PUS10: variants seen among roughly 807,000 people sequenced by gnomAD.
The protein encoded by PUS10 is pseudouridine synthase 10.
A neutral mutation model predicts 75.0 loss-of-function variants in PUS10; 59 were observed. The ratio of observed to expected loss-of-function variants is 0.79; its 90% CI spans 0.64 to 0.98. The LOEUF (loss-of-function observed/expected upper bound fraction) is 0.98, where lower values mean the gene tolerates loss of function less well. Ranked by LOEUF, PUS10 falls within the 50% of genes least tolerant of loss-of-function variation. The pLI, the probability that PUS10 is intolerant of heterozygous loss-of-function variation, is 0.00. For missense variants in PUS10, 650 were observed against 614.4 expected, an observed-to-expected ratio of 1.06 and a Z score of -0.61; for synonymous variants, 219 against 211.6, an observed-to-expected ratio of 1.03 and a Z score of -0.30.
intron 4 of PUS10, among the ~76,000 whole-genome samples, chr2:61,005,046 G>A (rs891011080): frequency 6.6e-6 from 1 of 152,148 alleles, no homozygotes; most frequent in Admixed American, 6.5e-5. Flanking sequence ...CCTGAGGTCG[G>A]GTGTCGGAGA....
chr2:60,947,991 TTTC>T, intron 16 of PUS10, 49 bp downstream of exon 16: 1 of 1,607,814 alleles, frequency 6.2e-7, no homozygotes, highest in East Asian at 2.2e-5. Context: ...ACCATGAACT[TTTC>T]CAATAGAGTT....
intron 4 of PUS10, among the ~76,000 whole-genome samples, chr2:61,004,444 C>T (rs182994681): frequency 6.6e-6 from 1 of 151,980 alleles, no homozygotes; most frequent in South Asian, 2.1e-4. Flanking sequence ...CTGGCTAACA[C>T]GGTGAAACCC....
intron 5 of PUS10, among the ~76,000 whole-genome samples, chr2:60,970,197 A>T (rs1676573243): frequency 6.6e-6 from 1 of 152,240 alleles, no homozygotes; most frequent in Non-Finnish European, 1.5e-5. Context: ...TTCTAAAAAC[A>T]TAGGATCAAG....
rs528975708 is a variant in PUS10, at chr2:60,965,443, T to A, written c.657A>T (p.Thr219=). ...EVSVVFAHPE[T]VEDCHFLAAI... ...CTTACAGGAAGTGGCAATCCTCAACTGTTTCTGGGTGAGCAAAGACCACAC... is the reference window on the plus strand; with the variant it reads ...CTTACAGGAAGTGGCAATCCTCAACAGTTTCTGGGTGAGCAAAGACCACAC... Residue 219 remains threonine (T), a synonymous_variant, in exon 7 of 18, where the codon ACA becomes ACT. Coordinates refer to ENST00000316752, the MANE Select transcript of PUS10 (RefSeq NM_144709.4). 1 of 1,611,594 alleles carries A rather than the reference T, an allele frequency of 6.2e-7. No homozygotes were observed. Among genetic ancestry groups the A allele is most frequent in the Non-Finnish European group, 8.5e-7 (1 of 1,179,166 alleles).
intron 4 of PUS10, among the ~76,000 whole-genome samples, chr2:60,989,168 C>T (rs901862331): frequency 6.6e-6 from 1 of 152,112 alleles, no homozygotes; most frequent in Middle Eastern, 3.4e-3. Context: ...AGTTAAGCAG[C>T]ACCAAGGAAT....
chr2:60,962,971 G>A (rs1676122505), intron 8 of PUS10, 81 bp from the exon 9 acceptor site: 15 of 1,453,216 alleles, frequency 1.0e-5, no homozygotes, highest in Non-Finnish European at 1.2e-5. Flanking sequence ...GAACATGGCT[G>A]GAGAAATTGT....
At chr2:60,974,211 CTTTT>C (rs35241132) in intron 4 of PUS10, among the ~76,000 whole-genome samples, 4 of 96,068 alleles carry the variant, frequency 4.2e-5, no homozygotes, top group Middle Eastern at 5.3e-3. Context: ...GATAAAGCTC[CTTTT>C]TTTTTTTTTT....
intron 5 of PUS10, 65 bp downstream of exon 5, chr2:60,971,458 G>A: frequency 7.1e-7 from 1 of 1,406,780 alleles, no homozygotes; most frequent in Non-Finnish European, 1.0e-6. Context: ...AGTAGTAAAA[G>A]TGCTTTAAGA....
chr2:60,977,710 A>G (rs756891315), intron 4 of PUS10, among the ~76,000 whole-genome samples: 8 of 152,156 alleles, frequency 5.3e-5, no homozygotes, highest in Non-Finnish European at 8.8e-5. Flanking sequence ...TTTGTTGTCT[A>G]TCTGGCTCTT....
chr2:60,958,599 T>A (rs1295392875), intron 11 of PUS10, among the ~76,000 whole-genome samples: 1 of 152,170 alleles, frequency 6.6e-6, no homozygotes. Context: ...AAAAAGGTTT[T>A]CTGGCTGAGT....
At chr2:60,956,765 GAAGATC>G (rs946576165) in intron 11 of PUS10, among the ~76,000 whole-genome samples, 1 of 152,054 alleles carries the variant, frequency 6.6e-6, no homozygotes, top group African/African-American at 2.4e-5. Flanking sequence ...CACGAAGTCA[GAAGATC>G]GAGACCATCC....
At chr2:60,963,473 T>C (rs1216299309) in intron 8 of PUS10, among the ~76,000 whole-genome samples, 1 of 152,184 alleles carries the variant, frequency 6.6e-6, no homozygotes, top group Non-Finnish European at 1.5e-5. Flanking sequence ...TCCACTTGGA[T>C]TTTTTAAGAT....
chr2:61,012,901 T>C (rs1288119345), intron 1 of PUS10, among the ~76,000 whole-genome samples: 1 of 104,182 alleles, frequency 9.6e-6, no homozygotes, highest in Non-Finnish European at 1.9e-5. Context: ...CACACACACA[T>C]ATGCCTATTA....
At chr2:60,962,361 CAG>C in intron 9 of PUS10, among the ~76,000 whole-genome samples, 1 of 152,300 alleles carries the variant, frequency 6.6e-6, no homozygotes, top group South Asian at 2.1e-4. Context: ...CACCTGAGGT[CAG>C]GAGTTCAAGA....
intron 15 of PUS10, among the ~76,000 whole-genome samples, chr2:60,948,786 G>A (rs1453991727): frequency 1.3e-5 from 2 of 152,052 alleles, no homozygotes; most frequent in African/African-American, 2.4e-5. Context: ...AGGGACACAG[G>A]CTTGTTTTTC....
chr2:61,015,738 T>C (rs1403340770), intron 1 of PUS10, among the ~76,000 whole-genome samples: 2 of 152,064 alleles, frequency 1.3e-5, no homozygotes, highest in Non-Finnish European at 2.9e-5. Flanking sequence ...CAAGGTCAAG[T>C]CATTACTATT....
intron 4 of PUS10, among the ~76,000 whole-genome samples, chr2:60,988,365 T>A (rs1573471298): frequency 6.6e-6 from 1 of 152,046 alleles, no homozygotes; most frequent in Non-Finnish European, 1.5e-5. Context: ...CTCCTCATAG[T>A]CCTCCCTGTA....
intron 4 of PUS10, among the ~76,000 whole-genome samples, chr2:60,979,108 T>TACACAC (rs1383300826): frequency 7.4e-4 from 23 of 31,228 alleles, no homozygotes; most frequent in Admixed American, 5.9e-3. Context: ...TCCCAACACA[T>TACACAC]ACACATACAC....
intron 4 of PUS10, among the ~76,000 whole-genome samples, chr2:60,998,552 G>A (rs1678632901): frequency 6.6e-6 from 1 of 152,070 alleles, no homozygotes; most frequent in South Asian, 2.1e-4. Context: ...AGCCGGATGT[G>A]GTGGCATGCA....
Sources: allele counts gnomAD v4.1 joint callset (sites outside exome capture counted in the v4.1 genomes callset), GRCh38; gene constraint gnomAD v4.1.1; transcripts MANE v1.5; gene names NCBI Gene and HGNC (gene_info 2026-07-23, HGNC 2026-07-21).